The following MAF variants were observed in gnomAD, a reference collection of about 807,000 sequenced individuals.
MAF encodes transcription factor Maf.
MAF carries 10 observed loss-of-function variants against 22.0 expected under a neutral mutation model. That is an observed-to-expected ratio of 0.45 (90% CI 0.28 to 0.77). The LOEUF is 0.77. Ranked by LOEUF, MAF falls within the 30% of genes least tolerant of loss-of-function variation. The pLI is 0.12. For missense variants in MAF, 544 were observed against 548.4 expected, an observed-to-expected ratio of 0.99 and a Z score of 0.08; for synonymous variants, 337 against 255.8, an observed-to-expected ratio of 1.32 and a Z score of -3.03.
the MAF span, among the ~76,000 whole-genome samples, chr16:79,510,143 C>G: frequency 1.3e-5 from 2 of 152,208 alleles, no homozygotes; most frequent in East Asian, 1.9e-4. Flanking sequence ...AAAATGGGTA[C>G]AACAACTGTG....
the MAF span, among the ~76,000 whole-genome samples, chr16:79,347,493 T>C: frequency 1.7e-4 from 26 of 152,354 alleles, no homozygotes; most frequent in East Asian, 3.9e-3. Context: ...TCTGCGACTT[T>C]TGTCCTCAGC....
At chr16:79,360,916 A>G in the MAF span, among the ~76,000 whole-genome samples, 4 of 152,150 alleles carry the variant, frequency 2.6e-5, no homozygotes, top group Non-Finnish European at 5.9e-5. Flanking sequence ...CTCCATGTTC[A>G]GGGACTTTGT....
At chr16:79,492,607 C>G in the MAF span, among the ~76,000 whole-genome samples, 4 of 152,010 alleles carry the variant, frequency 2.6e-5, no homozygotes, top group African/African-American at 9.7e-5. Context: ...TACCATAGCC[C>G]CAAAGCTTAA....
chr16:79,416,995 T>C, the MAF span, among the ~76,000 whole-genome samples: 2 of 152,216 alleles, frequency 1.3e-5, no homozygotes, highest in African/African-American at 4.8e-5. Flanking sequence ...GTTAGAAACA[T>C]GGAATCCAGG....
At chr16:79,311,471 AACCGGCATGGGAATATTGTTTTCTTT>A in the MAF span, among the ~76,000 whole-genome samples, 1 of 151,050 alleles carries the variant, frequency 6.6e-6, no homozygotes, top group Middle Eastern at 3.2e-3. Context: ...AGTTTTACAA[AACCGGCATGGGAATATTGTTTTCTTT>A]AAAAAAAAAA....
At chr16:79,583,054 G>C (rs1288646387), downstream of MAF, among the ~76,000 whole-genome samples, 1 of 152,130 alleles carries the variant, frequency 6.6e-6, no homozygotes, top group Non-Finnish European at 1.5e-5. Context: ...ATTTGGTTAT[G>C]GCTTCTTTAC....
At chr16:79,498,511 C>T in the MAF span, among the ~76,000 whole-genome samples, 1 of 152,228 alleles carries the variant, frequency 6.6e-6, no homozygotes, top group Non-Finnish European at 1.5e-5. Flanking sequence ...CCATGGGCTT[C>T]ACTTTGCCTG....
the MAF span, among the ~76,000 whole-genome samples, chr16:79,457,341 A>G: frequency 3.3e-5 from 5 of 151,272 alleles, no homozygotes; most frequent in African/African-American, 9.7e-5. Context: ...GATGTAAAAC[A>G]GCAGCAGCCC....
At chr16:79,447,385 G>A in the MAF span, among the ~76,000 whole-genome samples, 6 of 151,844 alleles carry the variant, frequency 4.0e-5, no homozygotes, top group African/African-American at 1.5e-4. Context: ...TTAAAGCAAT[G>A]CACCTGGTCA....
chr16:79,598,208 G>C, intron 1 of MAF: 1 of 1,056,492 alleles, frequency 9.5e-7, no homozygotes, highest in Non-Finnish European at 1.1e-6. Flanking sequence ...TTGAGAAGGA[G>C]TGAGGGTGGA....
chr16:79,278,474 C>A, the MAF span, among the ~76,000 whole-genome samples: 1 of 152,220 alleles, frequency 6.6e-6, no homozygotes, highest in Admixed American at 6.5e-5. Context: ...AATCCTCCGG[C>A]TTGCTTTTCC....
the MAF span, among the ~76,000 whole-genome samples, chr16:79,249,835 G>C: frequency 5.3e-5 from 8 of 151,598 alleles, no homozygotes; most frequent in African/African-American, 1.7e-4. Context: ...TGTTTGGTCT[G>C]TCTTTGCCAC....
At chr16:79,446,342 A>G in the MAF span, among the ~76,000 whole-genome samples, 1 of 151,930 alleles carries the variant, frequency 6.6e-6, no homozygotes, top group African/African-American at 2.4e-5. Context: ...TTCTATAGTA[A>G]CCTGAGATTG....
At chr16:79,358,877 C>T in the MAF span, among the ~76,000 whole-genome samples, 1 of 152,164 alleles carries the variant, frequency 6.6e-6, no homozygotes, top group Non-Finnish European at 1.5e-5. Flanking sequence ...GAGGCTGCTC[C>T]GATGGGAGGG....
At chr16:79,284,905 C>T in the MAF span, among the ~76,000 whole-genome samples, 9 of 152,194 alleles carry the variant, frequency 5.9e-5, no homozygotes, top group Non-Finnish European at 1.0e-4. Flanking sequence ...GCTCTCCCCC[C>T]AGCCAACAGT....
chr16:79,256,088 T>A, the MAF span, among the ~76,000 whole-genome samples: 1 of 151,028 alleles, frequency 6.6e-6, no homozygotes, highest in East Asian at 1.9e-4. Context: ...TTCAAGCAAT[T>A]CTCCTGCCTC....
chr16:79,529,785 A>T, the MAF span, among the ~76,000 whole-genome samples: 2 of 152,036 alleles, frequency 1.3e-5, no homozygotes, highest in African/African-American at 4.8e-5. Context: ...ATGTGGTGAA[A>T]CCCCATCTCT....
chr16:79,554,611 G>A, the MAF span, among the ~76,000 whole-genome samples: 2 of 152,158 alleles, frequency 1.3e-5, no homozygotes, highest in African/African-American at 4.8e-5. Context: ...CTCTACTGAT[G>A]CGGCCCAGTG....
chr16:79,266,547 G>C, the MAF span, among the ~76,000 whole-genome samples: 116 of 152,260 alleles, frequency 7.6e-4, 1 homozygote, highest in African/African-American at 2.7e-3. Flanking sequence ...CACTTGGACT[G>C]GGTTGTCTTT....
Sources: gnomAD v4.1 joint callset for allele counts (sites outside exome capture counted in the v4.1 genomes callset) on GRCh38, gnomAD v4.1.1 for gene constraint, MANE v1.5 for transcripts, NCBI Gene and HGNC (gene_info 2026-07-23, HGNC 2026-07-21) for gene names.